Variants in NPTN observed in about 807,000 individuals in gnomAD.
NPTN encodes neuroplastin, also known as SDR-1.
NPTN carries 5 observed loss-of-function variants against 42.7 expected under a neutral mutation model. The ratio of observed to expected loss-of-function variants is 0.12; its 90% CI spans 0.06 to 0.25. NPTN has a LOEUF of 0.25. Ranked by LOEUF, NPTN falls within the 10% of genes least tolerant of loss-of-function variation. The pLI, the probability that NPTN is intolerant of heterozygous loss-of-function variation, is 1.00. For missense variants in NPTN, 307 were observed against 525.4 expected (o/e 0.58, Z 4.06); for synonymous variants, 180 against 201.9 (o/e 0.89, Z 0.92).
intron 8 of NPTN, among the ~76,000 whole-genome samples, chr15:73,561,351 CT>C (rs1171401445): frequency 3.3e-5 from 5 of 152,158 alleles, no homozygotes; most frequent in Admixed American, 1.3e-4. Flanking sequence ...TAAAATATGT[CT>C]TCTGAAATGG....
At position 73,575,341 on chromosome 15, in the gene NPTN, T is replaced by C. The variant is rs928003423; in HGVS notation, c.707-1546A>G. Among the ~76,000 whole-genome samples, 20 of 152,230 alleles carry C rather than the reference T, an allele frequency of 1.3e-4. 1 individual carries two copies. Among genetic ancestry groups the C allele is most frequent in the Admixed American group, 3.9e-4 (6 of 15,292 alleles). ...CATGTTGGTCAGGCCGGTCTCGAAC[T>C]GCTAACCTCAGATGATCTGCCCGCC... On this transcript the variant is annotated intron_variant, in intron 4 of 8. Transcript: ENST00000345330.
chr15:73,613,693 CT>C (rs978296328), intron 1 of NPTN, among the ~76,000 whole-genome samples: 10 of 149,492 alleles, frequency 6.7e-5, no homozygotes, highest in East Asian at 3.9e-4. Context: ...CTGGACATAT[CT>C]TTTTTTTTTG....
At chr15:73,574,387 G>C (rs1895572205) in intron 4 of NPTN, among the ~76,000 whole-genome samples, 1 of 152,136 alleles carries the variant, frequency 6.6e-6, no homozygotes, top group Admixed American at 6.5e-5. Context: ...GGAATGAACA[G>C]GAAATTCAAC....
At chr15:73,572,558 A>G (rs1895469842) in intron 5 of NPTN, among the ~76,000 whole-genome samples, 1 of 151,948 alleles carries the variant, frequency 6.6e-6, no homozygotes, top group Non-Finnish European at 1.5e-5. Flanking sequence ...ATTCCTTATC[A>G]GTATGTTCTG....
intron 4 of NPTN, among the ~76,000 whole-genome samples, chr15:73,580,470 T>A (rs1895957618): frequency 7.6e-6 from 1 of 131,378 alleles, no homozygotes. Context: ...AAAATATATT[T>A]ATATATACAT....
Position 73,569,100 on chromosome 15 carries a change from C to A in NPTN, c.1114+1050G>T. ...ACTACAGCTGGCAACCCCACCATCA[C>A]CCCGGGTAGGCTACCACTGAGCCCA... On this transcript the variant is annotated intron_variant, in intron 6 of 8. Coordinates refer to ENST00000345330, the MANE Select transcript of NPTN (RefSeq NM_012428.4). This position sits in a 1 kb window ranked among gnomAD's most constrained non-coding sequence, Gnocchi z 4.1. 2.1e-6 allele frequency: 2 copies of A among 958,488 alleles called. No homozygotes were observed. The highest frequency in any genetic ancestry group is 2.5e-6 in the Non-Finnish European group (2 of 804,322). 59.4% of individuals were successfully genotyped at this position (958,488 alleles called of 1,614,324 possible).
At position 73,605,111 on chromosome 15, in the gene NPTN, G is replaced by GGA. The variant is rs1555410813; in HGVS notation, c.92-7743_92-7742insTC. On this transcript the variant is annotated intron_variant, in intron 1 of 8. Transcript: ENST00000345330. ...AGACCCTGTCTCAAGGGGGGGGGGG[G>GGA]AAAAGAATGATCTAAACTAGTCCTG... Among the ~76,000 whole-genome samples, 433 of 140,562 alleles carry GGA rather than the reference G, an allele frequency of 3.1e-3. 23 individuals are homozygous for GGA. Among genetic ancestry groups the GGA allele is most frequent in the African/African-American group, 0.012 (414 of 35,136 alleles). 92.2% of individuals were successfully genotyped at this position (140,562 alleles called of 152,430 possible). A position where few individuals can be genotyped will look rare whatever the true frequency, so the allele number is the denominator to read the frequency against.
chr15:73,581,012 G>A (rs541620001), intron 4 of NPTN, among the ~76,000 whole-genome samples: 7 of 152,208 alleles, frequency 4.6e-5, no homozygotes, highest in Non-Finnish European at 8.8e-5. Context: ...TCTAGAACAT[G>A]GTTGGAACTC....
chr15:73,562,571 G>A (rs1016246077), intron 7 of NPTN, among the ~76,000 whole-genome samples: 5 of 152,182 alleles, frequency 3.3e-5, no homozygotes, highest in Admixed American at 6.5e-5. Context: ...TTTGGGTGCT[G>A]TTTGTCTGCT....
chr15:73,592,721 G>A (rs1566973301), intron 2 of NPTN, among the ~76,000 whole-genome samples: 1 of 152,148 alleles, frequency 6.6e-6, no homozygotes. Context: ...CAAATTTTGT[G>A]GAGGCAAAAT....
At chr15:73,576,797 A>G (rs2141370502) in intron 4 of NPTN, among the ~76,000 whole-genome samples, 1 of 152,364 alleles carries the variant, frequency 6.6e-6, no homozygotes, top group African/African-American at 2.4e-5. Context: ...GTCAAAGCCA[A>G]TTTAAAAAGC....
At chr15:73,572,906 G>A (rs1464779170) in intron 5 of NPTN, among the ~76,000 whole-genome samples, 1 of 152,034 alleles carries the variant, frequency 6.6e-6, no homozygotes, top group East Asian at 1.9e-4. Context: ...CATGGGGGCG[G>A]ATATCCCCTT....
At chr15:73,567,522 C>T (rs1363477185) in intron 6 of NPTN, 6 of 985,188 alleles carry the variant, frequency 6.1e-6, no homozygotes, top group Non-Finnish European at 7.2e-6. Context: ...AGGAAGCAGA[C>T]AGGTAAGTTT....
At chr15:73,575,942 CAA>C (rs952170238) in intron 4 of NPTN, among the ~76,000 whole-genome samples, 6 of 151,950 alleles carry the variant, frequency 3.9e-5, no homozygotes, top group African/African-American at 1.4e-4. Flanking sequence ...TTTTTCCAGG[CAA>C]AGTTTCTTAC....
intron 1 of NPTN, among the ~76,000 whole-genome samples, chr15:73,621,133 G>A (rs991740408): frequency 6.6e-6 from 1 of 152,096 alleles, no homozygotes; most frequent in African/African-American, 2.4e-5. Context: ...CACCTATCTC[G>A]GGGAGGAGAG....
intron 1 of NPTN, among the ~76,000 whole-genome samples, chr15:73,624,061 G>C (rs1490294834): frequency 1.3e-5 from 2 of 152,074 alleles, no homozygotes; most frequent in Non-Finnish European, 2.9e-5. Context: ...CATCCCCCTA[G>C]TGCTCCCTGT....
chr15:73,564,388 G>C (rs1360147921), intron 6 of NPTN, among the ~76,000 whole-genome samples: 1 of 152,172 alleles, frequency 6.6e-6, no homozygotes, highest in Admixed American at 6.5e-5. Context: ...AGTAATGTCT[G>C]TCAGAGGGAG....
Position 73,568,744 on chromosome 15 carries a change from C to G in NPTN, c.1114+1406G>C, listed in dbSNP as rs1895189897. On this transcript the variant is annotated intron_variant, in intron 6 of 8. Transcript: ENST00000345330. ...GTCTGCTCCCAGCCAACGTCCTTCC[C>G]ACGCCTCTGCCCAGCTCACTGCTGA... is the stretch of plus-strand genomic sequence containing the variant. 4 of 985,502 alleles carry G rather than the reference C, an allele frequency of 4.1e-6. No individual in the cohort carries two copies. The South Asian group carries it at 1.4e-4, about 35-fold the overall frequency. The allele number at this position is 985,502 out of a possible 1,614,324, so 61.0% of individuals were successfully genotyped here. A position where few individuals can be genotyped will look rare whatever the true frequency, so the allele number is the denominator to read the frequency against.
At chr15:73,605,386 A>C (rs1171145409) in intron 1 of NPTN, among the ~76,000 whole-genome samples, 1 of 152,150 alleles carries the variant, frequency 6.6e-6, no homozygotes, top group Non-Finnish European at 1.5e-5. Flanking sequence ...TAAAAAAAAA[A>C]AATCTTACAA....
Sources: gnomAD v4.1 joint callset for allele counts (sites outside exome capture counted in the v4.1 genomes callset) on GRCh38, gnomAD v4.1.1 for gene constraint, Gnocchi (gnomAD v3.1) non-coding constraint, MANE v1.5 for transcripts, NCBI Gene and HGNC (gene_info 2026-07-23, HGNC 2026-07-21) for gene names.